The following CEP128 variants were observed in gnomAD, a reference collection of about 807,000 sequenced individuals.
CEP128 encodes the protein centrosomal protein 128, also known as centrosomal protein 128kDa.
In CEP128, 132 loss-of-function variants were observed where a neutral mutation model predicts 156.7. That is an observed-to-expected ratio of 0.84 (90% CI 0.73 to 0.97). The LOEUF is 0.97. Among genes scored for constraint, CEP128 ranks in the 50% least tolerant of loss-of-function variants. The pLI is 0.00. For synonymous variants in CEP128, 469 were observed against 448.9 expected (o/e 1.04, Z -0.57); for missense variants, 1,252 against 1,281.9 (o/e 0.98, Z 0.36).
chr14:80,929,055 G>A (rs1284652009), intron 2 of CEP128, among the ~76,000 whole-genome samples: 2 of 151,570 alleles, frequency 1.3e-5, no homozygotes, highest in South Asian at 2.1e-4. Context: ...TTAAAAAGTG[G>A]GCAAATGACA....
At chr14:80,637,585 C>T (rs990462329) in intron 19 of CEP128, among the ~76,000 whole-genome samples, 5 of 152,182 alleles carry the variant, frequency 3.3e-5, no homozygotes, top group African/African-American at 1.2e-4. Context: ...GATAAGAACT[C>T]TTACATTTTT....
chr14:80,722,514 G>A (rs559562926), intron 19 of CEP128, among the ~76,000 whole-genome samples: 16 of 151,100 alleles, frequency 1.1e-4, no homozygotes, highest in African/African-American at 2.2e-4. Flanking sequence ...TATTACAGAC[G>A]CACACATATA....
chr14:80,493,893 C>T (rs944440197), downstream of CEP128, among the ~76,000 whole-genome samples: 2 of 152,174 alleles, frequency 1.3e-5, no homozygotes, highest in Non-Finnish European at 2.9e-5. Context: ...CTGGTTTCAC[C>T]AAAGAGCAGA....
chr14:80,860,017 C>A (rs980643904), intron 9 of CEP128, among the ~76,000 whole-genome samples: 3 of 152,090 alleles, frequency 2.0e-5, no homozygotes, highest in African/African-American at 4.8e-5. Context: ...GAAGTTCAGG[C>A]CCACCTGCTC....
intron 13 of CEP128, among the ~76,000 whole-genome samples, chr14:80,800,521 C>A (rs1883779394): frequency 6.6e-6 from 1 of 152,132 alleles, no homozygotes; most frequent in Non-Finnish European, 1.5e-5. Flanking sequence ...AATATTCAAT[C>A]CAGTATTGAT....
intron 4 of CEP128, among the ~76,000 whole-genome samples, chr14:80,907,570 A>T (rs1172433719): frequency 6.6e-6 from 1 of 151,222 alleles, no homozygotes; most frequent in Non-Finnish European, 1.5e-5. Context: ...AGGCAGGAGA[A>T]CTGCTTGAAC....
At position 80,884,348 on chromosome 14, in the gene CEP128, C is replaced by G. The variant is rs951534665; in HGVS notation, c.645+11370G>C. On this transcript the variant is annotated intron_variant, in intron 8 of 24. Transcript: ENST00000555265. The stretch of plus-strand genomic sequence containing the variant: ...ATCAACCTGACAAGGGATTAATAAC[C>G]ATTATACAGAGAGCTGTCAAGATGG... Among the ~76,000 whole-genome samples, 10 of 152,232 alleles carry G rather than the reference C, an allele frequency of 6.6e-5. 4 individuals are homozygous for G. The highest frequency in any genetic ancestry group is 6.5e-4 in the Admixed American group (10 of 15,296).
chr14:80,530,126 G>A (rs377232967), intron 22 of CEP128, among the ~76,000 whole-genome samples: 4 of 152,256 alleles, frequency 2.6e-5, no homozygotes, highest in South Asian at 4.1e-4. Context: ...AGCTATACAA[G>A]GTCAATAAAT....
Position 80,837,404 on chromosome 14 carries a change from G to C in CEP128, c.924+800C>G, listed in dbSNP as rs148047339. On this transcript the variant is annotated intron_variant, in intron 11 of 24. Coordinates refer to ENST00000555265, the MANE Select transcript of CEP128 (RefSeq NM_152446.5). ...AACTCCCATTATGGGCTGATGGAAT[G>C]CAAAACGTTATACTTTAAAATTAAG... is the stretch of plus-strand genomic sequence containing the variant. Among the ~76,000 whole-genome samples, 7 of 152,314 alleles carry C rather than the reference G, an allele frequency of 4.6e-5. No homozygotes were observed. In the East Asian group the frequency reaches 1.3e-3, roughly 29 times the overall value.
intron 19 of CEP128, among the ~76,000 whole-genome samples, chr14:80,593,015 T>C (rs547788539): frequency 3.5e-4 from 54 of 152,242 alleles, no homozygotes; most frequent in African/African-American, 1.3e-3. Context: ...TAATAAGAAC[T>C]ATTTATGACA....
intron 20 of CEP128, among the ~76,000 whole-genome samples, chr14:80,574,977 T>C (rs1891296322): frequency 6.6e-6 from 1 of 152,044 alleles, no homozygotes. Context: ...AAAAACAGCA[T>C]GGCACTAATG....
At chr14:80,909,409 A>T (rs1218837331) in intron 4 of CEP128, among the ~76,000 whole-genome samples, 1 of 149,210 alleles carries the variant, frequency 6.7e-6, no homozygotes, top group Non-Finnish European at 1.5e-5. Flanking sequence ...ACACACGCAA[A>T]CTCCCTGCCA....
At chr14:80,539,993 C>A (rs528075098) in intron 21 of CEP128, among the ~76,000 whole-genome samples, 3 of 152,084 alleles carry the variant, frequency 2.0e-5, no homozygotes, top group African/African-American at 7.2e-5. Context: ...TCTCTGCTCT[C>A]GAACCCTGTT....
intron 15 of CEP128, among the ~76,000 whole-genome samples, chr14:80,779,975 C>A (rs1327280058): frequency 2.0e-5 from 3 of 152,092 alleles, no homozygotes; most frequent in African/African-American, 7.2e-5. Context: ...CCTGCATCTT[C>A]TGAATCCAAA....
intron 8 of CEP128, among the ~76,000 whole-genome samples, chr14:80,868,964 G>A (rs868832618): frequency 5.3e-5 from 8 of 152,036 alleles, no homozygotes; most frequent in East Asian, 1.9e-4. Flanking sequence ...AAATGTATAC[G>A]CACCTAATCA....
intron 21 of CEP128, among the ~76,000 whole-genome samples, chr14:80,550,262 G>A (rs763992506): frequency 2.6e-5 from 4 of 152,092 alleles, no homozygotes; most frequent in South Asian, 2.1e-4. Flanking sequence ...ATTAAATGCC[G>A]ACTAATTGCA....
At chr14:80,826,742 A>G (rs1885503177) in intron 13 of CEP128, among the ~76,000 whole-genome samples, 1 of 152,202 alleles carries the variant, frequency 6.6e-6, no homozygotes, top group Non-Finnish European at 1.5e-5. Flanking sequence ...CATTTAATCT[A>G]AATTATGTTC....
At chr14:80,535,634 T>C (rs10141015) in intron 21 of CEP128, among the ~76,000 whole-genome samples, 84 of 131,246 alleles carry the variant, frequency 6.4e-4, no homozygotes, top group African/African-American at 2.4e-3. Context: ...CACACACACA[T>C]GGGGTCTGGA....
intron 21 of CEP128, among the ~76,000 whole-genome samples, chr14:80,540,205 C>CA (rs1491215234): frequency 2.7e-5 from 4 of 150,518 alleles, no homozygotes; most frequent in African/African-American, 7.4e-5. Flanking sequence ...ACACCCCCCC[C>CA]CCTTTTGAAA....
Sources: allele counts gnomAD v4.1 joint callset (sites outside exome capture counted in the v4.1 genomes callset), GRCh38; gene constraint gnomAD v4.1.1; transcripts MANE v1.5; gene names NCBI Gene and HGNC (gene_info 2026-07-23, HGNC 2026-07-21).